The following PLCE1 variants were observed in gnomAD, a reference collection of about 807,000 sequenced individuals.
PLCE1 encodes the protein phospholipase C epsilon 1.
A neutral mutation model predicts 242.8 loss-of-function variants in PLCE1; 119 were observed. The observed-to-expected ratio is 0.49, with a 90% CI of 0.42 to 0.57. The LOEUF (loss-of-function observed/expected upper bound fraction) is 0.57. Ranked by LOEUF, PLCE1 falls within the 20% of genes least tolerant of loss-of-function variation. PLCE1 has a pLI of 0.00. For synonymous variants in PLCE1, 945 were observed against 1,017.4 expected, an observed-to-expected ratio of 0.93 and a Z score of 1.35; for missense variants, 2,441 against 2,788.8, an observed-to-expected ratio of 0.88 and a Z score of 2.81.
chr10:93,994,499 C>T (rs1279758911), intron 1 of PLCE1, among the ~76,000 whole-genome samples: 1 of 152,242 alleles, frequency 6.6e-6, no homozygotes, highest in Admixed American at 6.5e-5. Context: ...TGCCTCAGGT[C>T]GCCCCTTCGT....
At chr10:94,284,750 T>G (rs1589475094) in intron 21 of PLCE1, 98 bp from the exon 22 acceptor site, 1 of 767,820 alleles carries the variant, frequency 1.3e-6, no homozygotes, top group East Asian at 2.5e-5. Flanking sequence ...GGAAATACAG[T>G]AATAACACCA....
intron 24 of PLCE1, 72 bp from the exon 25 acceptor site, chr10:94,304,410 T>A: frequency 7.2e-7 from 1 of 1,388,440 alleles, no homozygotes; most frequent in Non-Finnish European, 1.0e-6. Context: ...TTTTGAACTT[T>A]CAATTTATAA....
chr10:94,105,415 T>C (rs1042707722), intron 2 of PLCE1: 5 of 152,188 alleles, frequency 3.3e-5, no homozygotes, highest in African/African-American at 9.7e-5. Flanking sequence ...TTCAGGCCTG[T>C]ACTCGCTTTG....
At chr10:94,273,750 A>G in intron 19 of PLCE1, 30 bp downstream of exon 19, 1 of 1,601,698 alleles carries the variant, frequency 6.2e-7, no homozygotes, top group Non-Finnish European at 8.6e-7. Context: ...CAGTTATGAA[A>G]AGGCAGTGTG....
At chr10:94,063,450 C>T (rs755383840) in intron 2 of PLCE1, among the ~76,000 whole-genome samples, 13 of 152,240 alleles carry the variant, frequency 8.5e-5, no homozygotes, top group South Asian at 2.1e-4. Context: ...GAGCCTGGCA[C>T]ATAGTAGGCA....
chr10:94,029,574 T>G (rs1300404139), intron 1 of PLCE1, among the ~76,000 whole-genome samples: 1 of 152,146 alleles, frequency 6.6e-6, no homozygotes, highest in Admixed American at 6.6e-5. Flanking sequence ...GTGGGCTGGT[T>G]TATTCCCTGC....
chr10:94,250,131 CAAAA>C (rs34113881), intron 8 of PLCE1, among the ~76,000 whole-genome samples: 3 of 95,676 alleles, frequency 3.1e-5, no homozygotes, highest in Admixed American at 1.2e-4. Flanking sequence ...GACTCTGTCT[CAAAA>C]AAAAAAAAAA....
intron 2 of PLCE1, among the ~76,000 whole-genome samples, chr10:94,066,150 A>C (rs956786630): frequency 2.0e-5 from 3 of 152,162 alleles, no homozygotes; most frequent in Admixed American, 1.3e-4. Context: ...TTTGCAGAAG[A>C]GTGTTCTGCA....
intron 7 of PLCE1, among the ~76,000 whole-genome samples, chr10:94,236,793 C>A (rs1278007043): frequency 1.3e-5 from 2 of 152,098 alleles, no homozygotes; most frequent in Non-Finnish European, 2.9e-5. Flanking sequence ...AGAGAGAAGA[C>A]CATCTGCAAA....
At chr10:93,999,338 T>C (rs1339345523) in intron 1 of PLCE1, among the ~76,000 whole-genome samples, 5 of 152,180 alleles carry the variant, frequency 3.3e-5, no homozygotes, top group South Asian at 2.1e-4. Context: ...ACTGAGGCAC[T>C]GAGAGGTTAA....
intron 1 of PLCE1, among the ~76,000 whole-genome samples, 108 bp from the exon 2 acceptor site, chr10:94,030,574 CA>C (rs975206570): frequency 6.7e-6 from 1 of 149,522 alleles, no homozygotes; most frequent in Non-Finnish European, 1.5e-5. Context: ...CTTCTGATTG[CA>C]AAAAAAAACC....
At chr10:94,195,807 A>T (rs1336950280) in intron 4 of PLCE1, among the ~76,000 whole-genome samples, 3 of 152,208 alleles carry the variant, frequency 2.0e-5, no homozygotes, top group African/African-American at 7.2e-5. Context: ...CATCTAAAAA[A>T]GGTCAGGGAA....
intron 30 of PLCE1, among the ~76,000 whole-genome samples, chr10:94,323,316 A>G (rs536071110): frequency 3.3e-5 from 5 of 152,352 alleles, no homozygotes; most frequent in African/African-American, 1.2e-4. Context: ...ACAACAATTA[A>G]GAGCACAGAC....
At chr10:94,181,433 G>A (rs574376091) in intron 4 of PLCE1, among the ~76,000 whole-genome samples, 83 of 151,996 alleles carry the variant, frequency 5.5e-4, no homozygotes, top group South Asian at 2.3e-3. Context: ...AAAATTAGCC[G>A]GGCGTGGTGG....
intron 24 of PLCE1, 123 bp from the exon 25 acceptor site, chr10:94,304,359 C>T (rs2053134230): frequency 1.1e-6 from 1 of 904,086 alleles, no homozygotes; most frequent in African/African-American, 1.6e-5. Context: ...GTGATTATCT[C>T]TTTTTCATGC....
intron 20 of PLCE1, 98 bp from the exon 21 acceptor site, chr10:94,283,692 T>A (rs2052333597): frequency 8.0e-7 from 1 of 1,256,452 alleles, no homozygotes; most frequent in Non-Finnish European, 1.2e-6. Flanking sequence ...TTCTTATAGA[T>A]AAGTACAAGT....
chr10:94,013,996 G>A (rs1168175402), intron 1 of PLCE1, among the ~76,000 whole-genome samples: 2 of 152,108 alleles, frequency 1.3e-5, no homozygotes, highest in Admixed American at 6.5e-5. Context: ...TTTGTTTCAC[G>A]GTGGGCAGGC....
chr10:94,019,124 A>G (rs570804055), intron 1 of PLCE1, among the ~76,000 whole-genome samples: 7 of 152,340 alleles, frequency 4.6e-5, no homozygotes, highest in African/African-American at 1.4e-4. Flanking sequence ...CATTTTGCAG[A>G]TATGAAAACT....
intron 1 of PLCE1, among the ~76,000 whole-genome samples, chr10:93,997,184 CTG>C (rs760638448): frequency 1.2e-4 from 19 of 152,146 alleles, no homozygotes; most frequent in Non-Finnish European, 2.2e-4. Context: ...GCTCTAAAAA[CTG>C]TGATTTTCAT....
Sources: allele counts gnomAD v4.1 joint callset (sites outside exome capture counted in the v4.1 genomes callset), GRCh38; gene constraint gnomAD v4.1.1; transcripts MANE v1.5; gene names NCBI Gene and HGNC (gene_info 2026-07-23, HGNC 2026-07-21).